NRG1: variants seen among roughly 807,000 people sequenced by gnomAD.
The protein encoded by NRG1 is pro-neuregulin-1, membrane-bound isoform.
A neutral mutation model predicts 63.8 loss-of-function variants in NRG1; 18 were observed. That is an observed-to-expected ratio of 0.28 (90% confidence interval 0.19 to 0.42). The LOEUF is 0.42. Among genes scored for constraint, NRG1 ranks in the 10% least tolerant of loss-of-function variants. NRG1 has a pLI of 1.00. For synonymous variants in NRG1, 302 were observed against 301.3 expected, an observed-to-expected ratio of 1.00 and a Z score of -0.02; for missense variants, 762 against 814.7, an observed-to-expected ratio of 0.94 and a Z score of 0.79.
At chr8:32,156,736 A>G (rs930726625) in intron 1 of NRG1, among the ~76,000 whole-genome samples, 11 of 152,200 alleles carry the variant, frequency 7.2e-5, no homozygotes, top group African/African-American at 2.2e-4. Context: ...TCAAGGGCCC[A>G]GGAGTGCCTG....
intron 1 of NRG1, among the ~76,000 whole-genome samples, chr8:32,164,011 G>C (rs73232245): frequency 0.056 from 8,527 of 152,246 alleles, 401 homozygotes; most frequent in East Asian, 0.26. Flanking sequence ...ATATGTACGT[G>C]TGTGAATGTG....
At chr8:31,881,945 A>G (rs908509268) in intron 1 of NRG1, among the ~76,000 whole-genome samples, 11 of 152,218 alleles carry the variant, frequency 7.2e-5, no homozygotes, top group Non-Finnish European at 4.4e-5. Context: ...ATACTGATGT[A>G]GAAGCTGCAG....
chr8:32,192,459 G>A (rs1468175985), intron 1 of NRG1, among the ~76,000 whole-genome samples: 6 of 152,044 alleles, frequency 3.9e-5, no homozygotes, highest in Non-Finnish European at 8.8e-5. Flanking sequence ...TGTAGTTAGG[G>A]GCCATTGTCC....
At chr8:31,661,601 A>T (rs1213218103) in intron 1 of NRG1, among the ~76,000 whole-genome samples, 1 of 152,224 alleles carries the variant, frequency 6.6e-6, no homozygotes, top group East Asian at 1.9e-4. Context: ...AATGAAGCAA[A>T]TGCACTCTAA....
intron 1 of NRG1, among the ~76,000 whole-genome samples, chr8:31,945,661 T>C (rs757258314): frequency 6.6e-6 from 1 of 152,248 alleles, no homozygotes; most frequent in East Asian, 1.9e-4. Flanking sequence ...AACTGCTGTC[T>C]AGCCGCAGCT....
At chr8:31,833,465 T>G (rs1341304393) in intron 1 of NRG1, among the ~76,000 whole-genome samples, 1 of 152,184 alleles carries the variant, frequency 6.6e-6, no homozygotes, top group East Asian at 1.9e-4. Context: ...CCTGCAAAAT[T>G]AGCTTTCAAA....
rs867996431 is a variant in NRG1 at position 32,204,598 on chromosome 8, G to C, written c.38-391230G>C. Among the ~76,000 whole-genome samples, 6 of 152,280 alleles carry C rather than the reference G, an allele frequency of 3.9e-5. No homozygotes were observed. In the Middle Eastern group the frequency reaches 0.02, roughly 518 times the overall value. On this transcript the variant is annotated intron_variant, in intron 1 of 10. Transcript: ENST00000519301. ...GTATCTATATAGTGAATTATGAGAA[G>C]TAAATGAGAAATAACATTTGTGAAA...
chr8:31,791,961 C>T (rs2131667185), intron 1 of NRG1, among the ~76,000 whole-genome samples: 1 of 152,284 alleles, frequency 6.6e-6, no homozygotes, highest in South Asian at 2.1e-4. Flanking sequence ...CATGTTCTAG[C>T]TCCTTGGTTG....
chr8:32,143,867 G>A (rs1002349643), intron 1 of NRG1, among the ~76,000 whole-genome samples: 1 of 152,222 alleles, frequency 6.6e-6, no homozygotes, highest in Non-Finnish European at 1.5e-5. Flanking sequence ...GTAGTTTGGT[G>A]AGAATTGCTG....
At chr8:32,436,034 T>G (rs547058999) in intron 1 of NRG1, among the ~76,000 whole-genome samples, 1 of 152,298 alleles carries the variant, frequency 6.6e-6, no homozygotes, top group Non-Finnish European at 1.5e-5. Flanking sequence ...TATTAATCAC[T>G]TCTCACACTG....
At chr8:31,745,948 C>T (rs887217434) in intron 1 of NRG1, among the ~76,000 whole-genome samples, 11 of 151,882 alleles carry the variant, frequency 7.2e-5, no homozygotes, top group Non-Finnish European at 1.3e-4. Flanking sequence ...ACCACAGATA[C>T]CCAGCTTGGG....
chr8:31,640,684 C>A lies in NRG1; in HGVS notation c.37+1253C>A. The A allele has an allele frequency of 6.2e-7, 1 of 1,606,662 alleles. No homozygotes were observed. The highest frequency in any genetic ancestry group is 8.5e-7 in the Non-Finnish European group (1 of 1,177,472). ...CTCTTTCCCCCCTCTGGAGACGGGC[C>A]GGAACCTCAAGAAGGAGGTCAGCCG... On this transcript the variant is annotated intron_variant, in intron 1 of 10. Coordinates refer to the NRG1 transcript ENST00000519301. The surrounding 1 kb of genome is among the most constrained non-coding windows in gnomAD (Gnocchi z 6.3).
At chr8:32,186,460 CAA>C (rs748750103) in intron 1 of NRG1, among the ~76,000 whole-genome samples, 24 of 52,210 alleles carry the variant, frequency 4.6e-4, no homozygotes, top group African/African-American at 9.9e-4. Context: ...GACTCCGTCT[CAA>C]AAAAAAAAAA....
intron 1 of NRG1, among the ~76,000 whole-genome samples, chr8:31,736,629 T>G (rs1814695674): frequency 6.6e-6 from 1 of 152,174 alleles, no homozygotes; most frequent in Admixed American, 6.6e-5. Context: ...CTTTTGCAGG[T>G]GTTTAACATC....
At chr8:32,528,637 G>T (rs1390346055) in intron 1 of NRG1, among the ~76,000 whole-genome samples, 1 of 152,126 alleles carries the variant, frequency 6.6e-6, no homozygotes, top group African/African-American at 2.4e-5. Flanking sequence ...GCTTAGAGTA[G>T]ATAATAGAGG....
In NRG1 at chr8:32,133,925, G is replaced by GTGATTATT. The variant is rs553320842; in HGVS notation, c.38-461901_38-461894dup. Among the ~76,000 whole-genome samples, 6 of 152,250 alleles carry GTGATTATT rather than the reference G, an allele frequency of 3.9e-5. No homozygotes were observed. The East Asian group carries it at 1.2e-3, about 29-fold the overall frequency. On this transcript the variant is annotated intron_variant, in intron 1 of 10. Coordinates refer to the NRG1 transcript ENST00000519301. The stretch of plus-strand genomic sequence containing the variant: ...TTTTATGGGCCACAGGATAATTTAA[G>GTGATTATT]TGATTATTTTTCAGCCACTTTTTTT...
chr8:32,120,837 T>G (rs939567885), intron 1 of NRG1, among the ~76,000 whole-genome samples: 3 of 152,022 alleles, frequency 2.0e-5, no homozygotes, highest in Non-Finnish European at 4.4e-5. Flanking sequence ...ATAGAAATGT[T>G]GTAGTTGATC....
chr8:31,647,855 C>A lies in NRG1; in HGVS notation c.37+8424C>A, dbSNP rs1327450220. On this transcript the variant is annotated intron_variant, in intron 1 of 10. Transcript: ENST00000519301. ...GTTGGAGCAGAAATTTTATAAAACA[C>A]CCTAGCATTTTGGAATATAGTTTTA... 2.6e-5 allele frequency among the ~76,000 whole-genome samples: 4 copies of A among 152,142 alleles called. No individual in the cohort carries two copies. The East Asian group carries it at 7.7e-4, about 29-fold the overall frequency.
chr8:32,202,891 C>A (rs1320050795), intron 1 of NRG1, among the ~76,000 whole-genome samples: 1 of 151,558 alleles, frequency 6.6e-6, no homozygotes, highest in South Asian at 2.1e-4. Context: ...CAAAAGGCAA[C>A]ATTTGGGTGC....
Sources: allele counts gnomAD v4.1 joint callset (sites outside exome capture counted in the v4.1 genomes callset), GRCh38; gene constraint gnomAD v4.1.1; non-coding constraint Gnocchi (gnomAD v3.1); transcripts MANE v1.5; gene names NCBI Gene and HGNC (gene_info 2026-07-23, HGNC 2026-07-21).